DPF3: variants seen among roughly 807,000 people sequenced by gnomAD.
DPF3 encodes the protein zinc finger protein DPF3.
DPF3 carries 18 observed loss-of-function variants against 56.8 expected under a neutral mutation model. The observed-to-expected ratio is 0.32, with a 90% CI of 0.22 to 0.47. The LOEUF (loss-of-function observed/expected upper bound fraction) is 0.47. Among genes scored for constraint, DPF3 ranks in the 20% least tolerant of loss-of-function variants. The pLI is 1.00. For missense variants in DPF3, 403 were observed against 488.8 expected (o/e 0.82, Z 1.65); for synonymous variants, 188 against 180.2 (o/e 1.04, Z -0.35).
At chr14:72,770,804 C>T (rs1035840592) in intron 2 of DPF3, among the ~76,000 whole-genome samples, 1 of 152,168 alleles carries the variant, frequency 6.6e-6, no homozygotes, top group Non-Finnish European at 1.5e-5. Context: ...CTGTAGCTGT[C>T]TCCCTAATAA....
chr14:72,724,542 C>A (rs985457136), intron 4 of DPF3, among the ~76,000 whole-genome samples: 1 of 151,884 alleles, frequency 6.6e-6, no homozygotes, highest in Admixed American at 6.6e-5. Context: ...GGCCTAAGCA[C>A]GTCACTCCCT....
intron 1 of DPF3, among the ~76,000 whole-genome samples, chr14:72,779,031 C>T (rs944763607): frequency 6.6e-6 from 1 of 152,236 alleles, no homozygotes; most frequent in Admixed American, 6.5e-5. Context: ...GAGCCCAGCA[C>T]TCCTGCATAC....
intron 5 of DPF3, among the ~76,000 whole-genome samples, chr14:72,720,357 A>C (rs12433185): frequency 2.0e-5 from 3 of 151,938 alleles, no homozygotes; most frequent in African/African-American, 7.2e-5. Flanking sequence ...AAAATAAAGC[A>C]TGGGCAAAAC....
chr14:72,630,315 C>G (rs1396303196), intron 8 of DPF3, among the ~76,000 whole-genome samples: 1 of 152,166 alleles, frequency 6.6e-6, no homozygotes, highest in Non-Finnish European at 1.5e-5. Flanking sequence ...ATATCCTGAA[C>G]AGTACCACGG....
rs569479455 is a variant in DPF3, at chr14:72,708,425, C to T, written c.604+5998G>A. Among the ~76,000 whole-genome samples, 29 of 152,308 alleles carry T rather than the reference C, an allele frequency of 1.9e-4. 1 individual carries two copies. In the South Asian group the frequency reaches 4.2e-3, roughly 22 times the overall value. ...GGGCACCGAGCCTTTCCTCCCCTCCCCGATCCTACCCCCATCCAAGGACCT... is the reference window on the plus strand; with the variant it reads ...GGGCACCGAGCCTTTCCTCCCCTCCTCGATCCTACCCCCATCCAAGGACCT... On this transcript the variant is annotated intron_variant, in intron 6 of 10. Transcript: ENST00000556509.
rs1885536109 is a variant in DPF3, at chr14:72,863,475, G to A, written c.32+30582C>T. Among the ~76,000 whole-genome samples, 3 of 149,984 alleles carry A rather than the reference G, an allele frequency of 2.0e-5. No individual in the cohort carries two copies. The Admixed American group carries it at 2.0e-4, about 10-fold the overall frequency. On this transcript the variant is annotated intron_variant, in intron 1 of 10. Transcript: ENST00000556509. ...GTTTAAAAACTCCTTCTGAGGTCAT[G>A]AGTAAGCTGATTGAAGCTGGCACCA...
chr14:72,773,830 A>C, intron 1 of DPF3: 2 of 455,170 alleles, frequency 4.4e-6, no homozygotes, highest in African/African-American at 2.0e-5. Flanking sequence ...TAATATTTTA[A>C]GTCAGAATAA....
intron 4 of DPF3, 169 bp downstream of exon 4, chr14:72,731,638 T>C: frequency 1.2e-6 from 1 of 868,338 alleles, no homozygotes; most frequent in South Asian, 1.8e-5. Context: ...GGAAGATAGG[T>C]TAAGTCAGAA....
At chr14:72,689,723 C>T (rs971177432) in intron 7 of DPF3, among the ~76,000 whole-genome samples, 5 of 152,162 alleles carry the variant, frequency 3.3e-5, no homozygotes, top group Non-Finnish European at 7.3e-5. Context: ...AGCACACATT[C>T]GGGGCGGCGA....
intron 1 of DPF3, among the ~76,000 whole-genome samples, chr14:72,838,623 G>A (rs1368351490): frequency 6.6e-6 from 1 of 152,024 alleles, no homozygotes; most frequent in East Asian, 1.9e-4. Context: ...TTGGGAGGCC[G>A]AGGTGGCGGT....
At chr14:72,679,934 T>C (rs1887085516) in intron 7 of DPF3, among the ~76,000 whole-genome samples, 1 of 152,218 alleles carries the variant, frequency 6.6e-6, no homozygotes. Context: ...GACCCCGACG[T>C]GCCTTCCCTG....
chr14:72,807,212 C>A (rs1227362520), intron 1 of DPF3, among the ~76,000 whole-genome samples: 1 of 152,220 alleles, frequency 6.6e-6, no homozygotes, highest in African/African-American at 2.4e-5. Flanking sequence ...CTTAGTAATT[C>A]TGTAATGTCT....
chr14:72,829,540 A>G (rs1199802436), intron 1 of DPF3, among the ~76,000 whole-genome samples: 1 of 151,624 alleles, frequency 6.6e-6, no homozygotes, highest in Non-Finnish European at 1.5e-5. Flanking sequence ...GCCCACCACC[A>G]CGCCCAGCTA....
intron 1 of DPF3, among the ~76,000 whole-genome samples, chr14:72,890,976 G>A (rs1353653266): frequency 2.6e-5 from 4 of 152,188 alleles, no homozygotes; most frequent in African/African-American, 9.7e-5. Context: ...AAGAAAGGGA[G>A]TTGAGGGGAG....
chr14:72,773,107 C>G lies in DPF3; in HGVS notation c.33-1214G>C, dbSNP rs191326967. On this transcript the variant is annotated intron_variant, in intron 1 of 10. Coordinates refer to ENST00000556509, the MANE Select transcript of DPF3 (RefSeq NM_001280542.3). ...AAAGTATTTAGAGGAATAAAAAAAGCAAAATTGGGGTGTTGGGTTTTTTGG... is the reference window on the plus strand; with the variant it reads ...AAAGTATTTAGAGGAATAAAAAAAGGAAAATTGGGGTGTTGGGTTTTTTGG... Among the ~76,000 whole-genome samples, 538 of 146,732 alleles carry G rather than the reference C, an allele frequency of 3.7e-3. 3 individuals are homozygous for G. The highest frequency in any genetic ancestry group is 0.013 in the African/African-American group (514 of 39,938).
At chr14:72,684,029 T>A (rs1003151718) in intron 7 of DPF3, among the ~76,000 whole-genome samples, 12 of 152,130 alleles carry the variant, frequency 7.9e-5, no homozygotes, top group African/African-American at 2.9e-4. Flanking sequence ...AGTGACATCA[T>A]CTGCTTTATA....
intron 1 of DPF3, among the ~76,000 whole-genome samples, chr14:72,828,403 G>A (rs1487873072): frequency 6.6e-6 from 1 of 151,926 alleles, no homozygotes; most frequent in African/African-American, 2.4e-5. Flanking sequence ...GCCAGGTGTG[G>A]TGCTCACACC....
At chr14:72,687,561 C>G (rs1022156017) in intron 7 of DPF3, among the ~76,000 whole-genome samples, 1 of 152,170 alleles carries the variant, frequency 6.6e-6, no homozygotes, top group Non-Finnish European at 1.5e-5. Flanking sequence ...TCCATCTTTC[C>G]TCTGCATCCC....
chr14:72,874,695 TC>T (rs1431603049), intron 1 of DPF3, among the ~76,000 whole-genome samples: 6 of 152,180 alleles, frequency 3.9e-5, no homozygotes, highest in Non-Finnish European at 7.3e-5. Context: ...GATTTTATTA[TC>T]CATATCGCTA....
Sources: allele counts gnomAD v4.1 joint callset (sites outside exome capture counted in the v4.1 genomes callset), GRCh38; gene constraint gnomAD v4.1.1; transcripts MANE v1.5; gene names NCBI Gene and HGNC (gene_info 2026-07-23, HGNC 2026-07-21).